The following COBLL1 variants were observed in gnomAD, a reference collection of about 807,000 sequenced individuals.
The protein encoded by COBLL1 is cordon-bleu WH2 repeat protein like 1.
COBLL1 carries 50 observed loss-of-function variants against 94.8 expected under a neutral mutation model. The ratio of observed to expected loss-of-function variants is 0.53; its 90% CI spans 0.42 to 0.67. The LOEUF is 0.67. Ranked by LOEUF, COBLL1 falls within the 30% of genes least tolerant of loss-of-function variation. The probability of loss-of-function intolerance (pLI) is 0.00; values close to 1 mark genes in which losing one functional copy is unlikely to be tolerated. For missense variants in COBLL1, 1,362 were observed against 1,348.7 expected, an observed-to-expected ratio of 1.01 and a Z score of -0.15; for synonymous variants, 448 against 473.8, an observed-to-expected ratio of 0.95 and a Z score of 0.71.
At chr2:164,794,127 G>T (rs535226187) in intron 2 of COBLL1, among the ~76,000 whole-genome samples, 2 of 152,210 alleles carry the variant, frequency 1.3e-5, no homozygotes, top group East Asian at 3.9e-4. Context: ...TTAAGAAAAA[G>T]AATTGTCTAC....
chr2:164,796,612 C>T (rs1284772600), intron 2 of COBLL1, among the ~76,000 whole-genome samples: 1 of 143,884 alleles, frequency 7.0e-6, no homozygotes, highest in Non-Finnish European at 1.5e-5. Flanking sequence ...TATAAATTTA[C>T]TATAATTAAT....
intron 2 of COBLL1, among the ~76,000 whole-genome samples, chr2:164,787,313 G>A (rs1386395768): frequency 1.3e-5 from 2 of 152,112 alleles, no homozygotes; most frequent in African/African-American, 4.8e-5. Flanking sequence ...CATATCAAAT[G>A]TAATGATTAT....
chr2:164,740,540 T>G (rs868142648), intron 3 of COBLL1, among the ~76,000 whole-genome samples: 5 of 152,156 alleles, frequency 3.3e-5, no homozygotes, highest in South Asian at 2.1e-4. Context: ...TTCCAAGTGC[T>G]TCTTCATACC....
chr2:164,759,447 T>G (rs1442358603), intron 2 of COBLL1, among the ~76,000 whole-genome samples: 1 of 151,976 alleles, frequency 6.6e-6, no homozygotes, highest in Admixed American at 6.6e-5. Context: ...CTTAAAAAAT[T>G]TATAGATAAA....
chr2:164,829,754 T>C (rs114681997), intron 2 of COBLL1, among the ~76,000 whole-genome samples: 2,232 of 152,332 alleles, frequency 0.015, 46 homozygotes, highest in African/African-American at 0.051. Flanking sequence ...ATAAATACTT[T>C]AAAATTTTTT....
intron 2 of COBLL1, among the ~76,000 whole-genome samples, chr2:164,747,379 A>G (rs1343987807): frequency 2.0e-5 from 3 of 152,170 alleles, no homozygotes; most frequent in East Asian, 3.9e-4. Context: ...TTACTTCCTC[A>G]GGTAGTTTGT....
intron 10 of COBLL1, among the ~76,000 whole-genome samples, chr2:164,699,779 A>T (rs556727166): frequency 6.6e-6 from 1 of 152,188 alleles, no homozygotes; most frequent in South Asian, 2.1e-4. Flanking sequence ...TAGTGGCTTT[A>T]TTTTGCTATT....
In COBLL1 at chr2:164,800,525, TACA is replaced by T; in HGVS notation, c.41+40628_41+40630del. On this transcript the variant is annotated intron_variant, in intron 2 of 13. Coordinates refer to ENST00000652658, the MANE Select transcript of COBLL1 (RefSeq NM_001365672.2). ...TGGTCTAGAAGTTTCTTATTAAATA[TACA>T]CTTACCATGACCCAGCAATCTCTCT... is the stretch of plus-strand genomic sequence containing the variant. 9 of 702,092 alleles carry T rather than the reference TACA, an allele frequency of 1.3e-5. No individual in the cohort carries two copies. In the South Asian group the frequency reaches 1.3e-4, roughly 10 times the overall value. The allele number at this position is 702,092 out of a possible 1,614,324, so 43.5% of individuals were successfully genotyped here. A position where few individuals can be genotyped will look rare whatever the true frequency, so the allele number is the denominator to read the frequency against.
rs778267992 is a variant in COBLL1, at chr2:164,694,740, A to G, written c.2652T>C (p.Ala884=). ...RVSGHYVTSA[A]AKSVHAAPNP... ...TAGGGGCAGCATGGACACTCTTGGC[A>G]GCTGCAGATGTCACATAGTGACCCG... Residue 884 remains alanine, a synonymous_variant, in exon 12 of 14, where the codon GCT becomes GCC. Transcript: ENST00000652658. The G allele has an allele frequency of 6.2e-7, 1 of 1,613,818 alleles. No homozygotes were observed. The highest frequency in any genetic ancestry group is 8.5e-7 in the Non-Finnish European group (1 of 1,179,950).
intron 4 of COBLL1, 122 bp downstream of exon 4, chr2:164,729,792 T>C (rs1321631153): frequency 2.4e-6 from 2 of 834,474 alleles, no homozygotes; most frequent in Non-Finnish European, 3.8e-6. Context: ...ACAAAGTGCC[T>C]AGAAAAACAT....
At chr2:164,730,509 C>T (rs6711749) in intron 3 of COBLL1, among the ~76,000 whole-genome samples, 1 of 120,354 alleles carries the variant, frequency 8.3e-6, no homozygotes, top group Admixed American at 7.7e-5. Flanking sequence ...ATAATAATAA[C>T]AATAAAAACA....
At chr2:164,812,482 AT>A (rs567178730) in intron 2 of COBLL1, among the ~76,000 whole-genome samples, 3 of 152,192 alleles carry the variant, frequency 2.0e-5, no homozygotes, top group East Asian at 3.9e-4. Flanking sequence ...AAAAGTCTTC[AT>A]AAAAAGGTGA....
chr2:164,688,027 G>A (rs1473840037), intron 13 of COBLL1, among the ~76,000 whole-genome samples: 1 of 151,666 alleles, frequency 6.6e-6, no homozygotes, highest in Non-Finnish European at 1.5e-5. Flanking sequence ...CATTCATAAA[G>A]TCAAATACTA....
intron 3 of COBLL1, among the ~76,000 whole-genome samples, chr2:164,732,193 T>TA (rs949971639): frequency 6.6e-6 from 1 of 152,058 alleles, no homozygotes; most frequent in Non-Finnish European, 1.5e-5. Flanking sequence ...TCCCTCAATT[T>TA]AAAAAAAATT....
intron 3 of COBLL1, among the ~76,000 whole-genome samples, chr2:164,732,170 C>G (rs1255363198): frequency 6.6e-6 from 1 of 152,058 alleles, no homozygotes. Flanking sequence ...ATAAATAAAT[C>G]AAAGGTTCTA....
intron 2 of COBLL1, among the ~76,000 whole-genome samples, chr2:164,755,614 C>T (rs764483364): frequency 3.3e-5 from 5 of 152,028 alleles, no homozygotes; most frequent in Non-Finnish European, 7.4e-5. Context: ...GTAGATGAAG[C>T]TTTATTGTAA....
At chr2:164,731,900 C>T (rs1686035191) in intron 3 of COBLL1, among the ~76,000 whole-genome samples, 1 of 152,174 alleles carries the variant, frequency 6.6e-6, no homozygotes, top group African/African-American at 2.4e-5. Context: ...TGATGCAGTT[C>T]TTCCAGACAA....
At chr2:164,735,015 A>G (rs906412513) in intron 3 of COBLL1, among the ~76,000 whole-genome samples, 3 of 152,166 alleles carry the variant, frequency 2.0e-5, no homozygotes, top group African/African-American at 7.2e-5. Context: ...TGAACCTTCC[A>G]CAGGAAGTGG....
intron 2 of COBLL1, among the ~76,000 whole-genome samples, chr2:164,832,731 T>A (rs574906506): frequency 5.9e-5 from 9 of 152,302 alleles, no homozygotes; most frequent in African/African-American, 2.2e-4. Context: ...CCTGCAGCTC[T>A]GATTTCAATT....
Sources: allele counts gnomAD v4.1 joint callset (sites outside exome capture counted in the v4.1 genomes callset), GRCh38; gene constraint gnomAD v4.1.1; transcripts MANE v1.5; gene names NCBI Gene and HGNC (gene_info 2026-07-23, HGNC 2026-07-21).